Variants in FARP1 observed in about 807,000 individuals in gnomAD.
FARP1 encodes the protein FERM, ARHGEF and pleckstrin domain-containing protein 1.
FARP1 carries 52 observed loss-of-function variants against 128.8 expected under a neutral mutation model. The observed-to-expected ratio is 0.40, with a 90% confidence interval of 0.32 to 0.51. The LOEUF is 0.51. Among genes scored for constraint, FARP1 ranks in the 20% least tolerant of loss-of-function variants. The pLI is 0.45. For missense variants in FARP1, 1,333 were observed against 1,367.9 expected (o/e 0.97, Z 0.40); for synonymous variants, 580 against 551.8 (o/e 1.05, Z -0.72).
intron 5 of FARP1, among the ~76,000 whole-genome samples, chr13:98,374,448 TA>T (rs1466219206): frequency 2.0e-5 from 3 of 151,678 alleles, no homozygotes; most frequent in African/African-American, 4.8e-5. Flanking sequence ...ATCAATCAAT[TA>T]AAAAAAACAG....
chr13:98,212,725 T>C (rs924429431), intron 1 of FARP1, among the ~76,000 whole-genome samples: 7 of 152,010 alleles, frequency 4.6e-5, no homozygotes, highest in African/African-American at 1.5e-4. Context: ...TCTGTATGAG[T>C]GTATGTCTGC....
chr13:98,410,330 A>G (rs899867028), intron 14 of FARP1, among the ~76,000 whole-genome samples: 4 of 152,242 alleles, frequency 2.6e-5, no homozygotes, highest in Non-Finnish European at 4.4e-5. Flanking sequence ...TGTTCCCACA[A>G]TGTAACTTCC....
chr13:98,390,076 G>T lies in FARP1; in HGVS notation c.975G>T (p.Lys325Asn). Residue 325 changes from lysine (K) to asparagine (N), a missense_variant, in exon 10 of 27, where the codon AAG (lysine) becomes AAT (asparagine). Lys to Asn is a moderately conservative substitution (Grantham distance 94). Around this residue, in one of 2 missense-constraint regions of FARP1, gnomAD observed 1,009 missense variants for 969.8 expected, o/e 1.04. Transcript: ENST00000319562. ...GACTTTTTGAAGAGCCCAAACCAAA[G>T]CCCAAGCCCGTCCTCTTTAGCCGGG... ...FFRLFEEPKPKPKPVLFSRGS... is the reference protein window; with the variant it reads ...FFRLFEEPKPNPKPVLFSRGS... The T allele has an allele frequency of 6.2e-7, 1 of 1,614,182 alleles. No homozygotes were observed. Among genetic ancestry groups the T allele is most frequent in the Non-Finnish European group, 8.5e-7 (1 of 1,180,044 alleles).
rs666089 is a variant in FARP1, at chr13:98,387,475, T to C, written c.760-908T>C. Reference sequence around the variant, plus strand: ...AAGTATTGGGAATACCTGGGTAATGTAGTCACGTGCAAAGCCTGTGTCTCG... The same window carrying C: ...AAGTATTGGGAATACCTGGGTAATGCAGTCACGTGCAAAGCCTGTGTCTCG... On this transcript the variant is annotated intron_variant, in intron 8 of 26. Coordinates refer to ENST00000319562, the MANE Select transcript of FARP1 (RefSeq NM_005766.4). 2.8e-3 allele frequency among the ~76,000 whole-genome samples: 419 copies of C among 152,338 alleles called. 2 individuals are homozygous for C. The highest frequency in any genetic ancestry group is 9.6e-3 in the African/African-American group (401 of 41,574).
intron 11 of FARP1, 60 bp from the exon 12 acceptor site, chr13:98,393,583 C>A: frequency 7.3e-7 from 1 of 1,365,390 alleles, no homozygotes; most frequent in Non-Finnish European, 1.0e-6. Context: ...TCATTTAAAA[C>A]CAAGGAAAAA....
At chr13:98,355,952 G>T (rs1250989593) in intron 3 of FARP1, among the ~76,000 whole-genome samples, 1 of 152,076 alleles carries the variant, frequency 6.6e-6, no homozygotes, top group African/African-American at 2.4e-5. Flanking sequence ...TTCCATAGTG[G>T]TCAGAAATCA....
At chr13:98,378,592 A>G (rs1889692484) in intron 6 of FARP1, among the ~76,000 whole-genome samples, 2 of 152,144 alleles carry the variant, frequency 1.3e-5, no homozygotes, top group African/African-American at 2.4e-5. Context: ...AAGTTGTGCT[A>G]TCATATCACC....
chr13:98,162,207 A>G (rs999691003), intron 1 of FARP1, among the ~76,000 whole-genome samples: 2 of 152,174 alleles, frequency 1.3e-5, no homozygotes, highest in African/African-American at 2.4e-5. Context: ...GAATGTTTCC[A>G]GAAAAGTCTT....
intron 8 of FARP1, 76 bp downstream of exon 8, chr13:98,385,890 A>G: frequency 6.7e-7 from 1 of 1,484,932 alleles, no homozygotes. Flanking sequence ...TCTGATTCAT[A>G]TTCAGTGGGC....
chr13:98,282,621 T>A (rs1293003219), intron 2 of FARP1, among the ~76,000 whole-genome samples: 1 of 152,118 alleles, frequency 6.6e-6, no homozygotes, highest in East Asian at 1.9e-4. Context: ...AGAGAATTTC[T>A]GGGCCAGGCG....
chr13:98,324,069 A>G (rs1256866105), intron 2 of FARP1, among the ~76,000 whole-genome samples: 1 of 152,206 alleles, frequency 6.6e-6, no homozygotes, highest in African/African-American at 2.4e-5. Context: ...GCACTAGGAA[A>G]ATTTCCTCGT....
chr13:98,190,382 T>G (rs1409518048), intron 1 of FARP1, among the ~76,000 whole-genome samples: 1 of 152,158 alleles, frequency 6.6e-6, no homozygotes, highest in Admixed American at 6.5e-5. Flanking sequence ...TCATTATAAA[T>G]CAGTGTTGAA....
chr13:98,235,762 G>C (rs1281645359), intron 2 of FARP1, among the ~76,000 whole-genome samples: 1 of 151,138 alleles, frequency 6.6e-6, no homozygotes, highest in Non-Finnish European at 1.5e-5. Context: ...AACCATCTAG[G>C]CTCATTTTAT....
chr13:98,188,079 C>T (rs772136641), intron 1 of FARP1, among the ~76,000 whole-genome samples: 33 of 152,134 alleles, frequency 2.2e-4, no homozygotes, highest in South Asian at 8.3e-4. Context: ...CTCTGCTGAG[C>T]GTGAGTTGGC....
intron 2 of FARP1, among the ~76,000 whole-genome samples, chr13:98,278,884 G>GGT (rs1204882681): frequency 2.0e-5 from 3 of 152,064 alleles, no homozygotes; most frequent in African/African-American, 4.8e-5. Context: ...GGAGTGCAGT[G>GGT]GTGCGATCTC....
chr13:98,298,801 G>A (rs760258923), intron 2 of FARP1, among the ~76,000 whole-genome samples: 11 of 152,158 alleles, frequency 7.2e-5, no homozygotes, highest in Non-Finnish European at 1.6e-4. Flanking sequence ...ATGTAGGTGA[G>A]TTACACCCGC....
At chr13:98,392,471 T>G (rs112903074) in intron 11 of FARP1, among the ~76,000 whole-genome samples, 5,254 of 150,418 alleles carry the variant, frequency 0.035, 178 homozygotes, top group African/African-American at 0.086. Flanking sequence ...CTGCCCTCCA[T>G]CTCTGGGCCA....
rs1880841493 is a variant in FARP1, at chr13:98,213,283, T to C, written c.41T>C (p.Leu14Pro). Residue 14 changes from leucine (L) to proline (P), a missense_variant, in exon 2 of 27, where the codon CTG becomes CCG. By Grantham distance (98) the Leu-to-Pro change is moderately conservative. Coordinates refer to ENST00000319562, the MANE Select transcript of FARP1 (RefSeq NM_005766.4). The stretch of plus-strand genomic sequence containing the variant: ...CAGAGGCCGACCCCAGGATCACGAC[T>C]GGGGGCCCCGGAAAATTCGGGGATC... The part of the protein sequence containing the change: ...IEQRPTPGSR[L>P]GAPENSGIST... 3 of 1,614,060 alleles carry C rather than the reference T, an allele frequency of 1.9e-6. No homozygotes were observed. Among genetic ancestry groups the C allele is most frequent in the Non-Finnish European group, 2.5e-6 (3 of 1,179,990 alleles).
chr13:98,282,070 C>A (rs1884962099), intron 2 of FARP1, among the ~76,000 whole-genome samples: 1 of 152,122 alleles, frequency 6.6e-6, no homozygotes, highest in Non-Finnish European at 1.5e-5. Context: ...TTTGGGAGGC[C>A]TAGGTGGGCG....
Sources: allele counts gnomAD v4.1 joint callset (sites outside exome capture counted in the v4.1 genomes callset), GRCh38; gene constraint gnomAD v4.1.1; regional missense constraint gnomAD v4.1.1; transcripts MANE v1.5; gene names NCBI Gene and HGNC (gene_info 2026-07-23, HGNC 2026-07-21).